The following KCNT1 variants were observed in gnomAD, a reference collection of about 807,000 sequenced individuals.
KCNT1 encodes potassium channel subfamily T member 1.
Under a neutral mutation model 147.8 loss-of-function variants are expected in KCNT1, and 78 were observed. That is an observed-to-expected ratio of 0.53 (90% CI 0.44 to 0.64). The LOEUF (loss-of-function observed/expected upper bound fraction) is 0.64. Ranked by LOEUF, KCNT1 falls within the 30% of genes least tolerant of loss-of-function variation. KCNT1 has a pLI of 0.00. For missense variants in KCNT1, 1,419 were observed against 1,750.3 expected (o/e 0.81, Z 3.38); for synonymous variants, 867 against 748.8 (o/e 1.16, Z -2.58).
At chr9:135,712,959 T>C (rs1362037449) in intron 1 of KCNT1, among the ~76,000 whole-genome samples, 1 of 152,170 alleles carries the variant, frequency 6.6e-6, no homozygotes, top group Non-Finnish European at 1.5e-5. Context: ...GTCTCTGGAC[T>C]CCTGGTGCAC....
At chr9:135,729,457 G>A (rs553444899) in intron 2 of KCNT1, among the ~76,000 whole-genome samples, 6 of 152,380 alleles carry the variant, frequency 3.9e-5, no homozygotes, top group Admixed American at 2.6e-4. Context: ...CTCCAGATGC[G>A]GGCCCAGCCC....
chr9:135,705,143 G>C (rs183489427), intron 1 of KCNT1, among the ~76,000 whole-genome samples: 1 of 152,346 alleles, frequency 6.6e-6, no homozygotes, highest in East Asian at 1.9e-4. Context: ...TGGTGTGGCA[G>C]TAGTGGGGCC....
rs1467505450 is a variant in KCNT1, at chr9:135,757,248, G to T, written c.675+18G>T. The T allele has an allele frequency of 1.2e-6, 2 of 1,612,576 alleles. No individual in the cohort carries two copies. The highest frequency in any genetic ancestry group is 1.7e-6 in the Non-Finnish European group (2 of 1,179,830). On this transcript the variant is annotated intron_variant, in intron 8 of 30. Coordinates refer to ENST00000371757, the MANE Select transcript of KCNT1 (RefSeq NM_020822.3). ...TCATCACGGTGGGTGAGCCCCAGCT[G>T]CCAGGAGTGCGGGCCCTGGAGCCCC...
intron 2 of KCNT1, among the ~76,000 whole-genome samples, chr9:135,725,527 G>A (rs753427378): frequency 6.6e-6 from 1 of 152,186 alleles, no homozygotes; most frequent in Non-Finnish European, 1.5e-5. Flanking sequence ...TGCGGGGGAG[G>A]GTGGACCTGC....
At chr9:135,713,522 A>C (rs897420292) in intron 1 of KCNT1, among the ~76,000 whole-genome samples, 1 of 152,092 alleles carries the variant, frequency 6.6e-6, no homozygotes, top group Non-Finnish European at 1.5e-5. Flanking sequence ...GAGAGAGAGG[A>C]GAGTTTTGTA....
chr9:135,761,095 T>C (rs1212394957), intron 11 of KCNT1, among the ~76,000 whole-genome samples: 1 of 152,040 alleles, frequency 6.6e-6, no homozygotes, highest in Non-Finnish European at 1.5e-5. Context: ...CTCGAACTCC[T>C]GGGCTCAAGC....
chr9:135,743,286 A>G (rs572696683), intron 2 of KCNT1, among the ~76,000 whole-genome samples: 2 of 152,072 alleles, frequency 1.3e-5, no homozygotes, highest in African/African-American at 2.4e-5. Context: ...GCTAAGATGT[A>G]GGTCAAATGG....
chr9:135,752,648 CGGATGGACGGAT>C lies in KCNT1; in HGVS notation c.435-1281_435-1270del, dbSNP rs1831247730. On this transcript the variant is annotated intron_variant, in intron 4 of 30. Coordinates refer to ENST00000371757, the MANE Select transcript of KCNT1 (RefSeq NM_020822.3). The surrounding 1 kb of genome is among the most constrained non-coding windows in gnomAD (Gnocchi z 5.1). ...GATGATGGATGGATGGACGGACGGA[CGGATGGACGGAT>C]GGATGGAGTGGATGGAGGGATGAGT... Among the ~76,000 whole-genome samples, 1 of 138,984 alleles carries C rather than the reference CGGATGGACGGAT, an allele frequency of 7.2e-6. No individual in the cohort carries two copies. The highest frequency in any genetic ancestry group is 3.1e-5 in the African/African-American group (1 of 32,316). 91.2% of individuals were successfully genotyped at this position (138,984 alleles called of 152,430 possible).
intron 18 of KCNT1, 200 bp downstream of exon 18, chr9:135,771,295 ACAGGAGACCAGACCGGGCAGGG>A (rs371895153): frequency 3.3e-6 from 2 of 612,678 alleles, no homozygotes; most frequent in Non-Finnish European, 5.8e-6. Flanking sequence ...ACCAGGTGGG[ACAGGAGACCAGACCGGGCAGGG>A]CAGGAGACCA....
At chr9:135,721,475 G>A (rs1807031994) in intron 2 of KCNT1, among the ~76,000 whole-genome samples, 1 of 152,218 alleles carries the variant, frequency 6.6e-6, no homozygotes, top group Admixed American at 6.5e-5. Context: ...CGGCCAGCCT[G>A]AGAAATGGCC....
At chr9:135,754,486 G>A (rs950734269) in intron 5 of KCNT1, among the ~76,000 whole-genome samples, 32 of 152,208 alleles carry the variant, frequency 2.1e-4, no homozygotes, top group African/African-American at 7.7e-4. Flanking sequence ...CAGGCAGTGG[G>A]AGGTGACTGC....
chr9:135,722,413 G>T (rs1454020846), intron 2 of KCNT1, among the ~76,000 whole-genome samples: 2 of 152,236 alleles, frequency 1.3e-5, no homozygotes, highest in Non-Finnish European at 2.9e-5. Flanking sequence ...CAGATGCCCA[G>T]TGGGAGGGGC....
chr9:135,784,919 T>G (rs756094883), intron 27 of KCNT1, 30 bp downstream of exon 27: 12 of 1,607,426 alleles, frequency 7.5e-6, no homozygotes, highest in African/African-American at 1.3e-5. Context: ...GCTGGGACTG[T>G]GGCAGCCCCT....
rs115432795 is a variant in KCNT1, at chr9:135,773,919, C to A, written c.2243+970C>A. 5.3e-5 allele frequency among the ~76,000 whole-genome samples: 8 copies of A among 151,940 alleles called. No individual in the cohort carries two copies. In the South Asian group the frequency reaches 1.7e-3, roughly 32 times the overall value. On this transcript the variant is annotated intron_variant, in intron 19 of 30. Transcript: ENST00000371757. ...TGCTGGGGATGTCAGGGAGGCATGG[C>A]GGGCGGGCAGAGCCCTGTGGGTTTT...
At chr9:135,775,033 C>CACTGCCCTG (rs1323550253) in intron 19 of KCNT1, among the ~76,000 whole-genome samples, 5 of 152,334 alleles carry the variant, frequency 3.3e-5, no homozygotes, top group East Asian at 1.9e-4. Flanking sequence ...GTGCCCTGGG[C>CACTGCCCTG]ACTGCCCTGA....
intron 19 of KCNT1, 124 bp from the exon 20 acceptor site, chr9:135,775,186 G>T: frequency 1.6e-6 from 1 of 632,414 alleles, no homozygotes; most frequent in South Asian, 2.1e-5. Context: ...AGCTGTGCGT[G>T]ACCCCGAGCA....
chr9:135,706,360 C>T (rs914910270), intron 1 of KCNT1, among the ~76,000 whole-genome samples: 10 of 152,330 alleles, frequency 6.6e-5, no homozygotes, highest in Middle Eastern at 3.4e-3. Context: ...GTGGAATTGC[C>T]CAGTCAAAAG....
chr9:135,791,723 C>T, intron 29 of KCNT1, 74 bp from the exon 30 acceptor site: 1 of 1,298,532 alleles, frequency 7.7e-7, no homozygotes, highest in African/African-American at 1.5e-5. Context: ...GGAGCCCCCA[C>T]ACCTCTGGGC....
At chr9:135,751,537 C>A (rs1264834136) in intron 4 of KCNT1, among the ~76,000 whole-genome samples, 1 of 152,184 alleles carries the variant, frequency 6.6e-6, no homozygotes, top group Non-Finnish European at 1.5e-5. Flanking sequence ...CTGGGGGCAG[C>A]AATCTGCACC....
Sources: gnomAD v4.1 joint callset for allele counts (sites outside exome capture counted in the v4.1 genomes callset) on GRCh38, gnomAD v4.1.1 for gene constraint, Gnocchi (gnomAD v3.1) non-coding constraint, MANE v1.5 for transcripts, NCBI Gene and HGNC (gene_info 2026-07-23, HGNC 2026-07-21) for gene names.